The following SHC4 variants were observed in gnomAD, a reference collection of about 807,000 sequenced individuals.
SHC4 encodes SHC adaptor protein 4.
SHC4 carries 41 observed loss-of-function variants against 69.4 expected under a neutral mutation model. The observed-to-expected ratio is 0.59, with a 90% CI of 0.46 to 0.77. The LOEUF (loss-of-function observed/expected upper bound fraction) is 0.77, where lower values mean the gene tolerates loss of function less well. Among genes scored for constraint, SHC4 ranks in the 30% least tolerant of loss-of-function variants. The probability of loss-of-function intolerance (pLI) is 0.00; values close to 1 mark genes in which losing one functional copy is unlikely to be tolerated. For missense variants in SHC4, 777 were observed against 783.8 expected (o/e 0.99, Z 0.10); for synonymous variants, 318 against 299.3 (o/e 1.06, Z -0.64).
At chr15:48,948,688 T>A (rs1186612543) in intron 1 of SHC4, among the ~76,000 whole-genome samples, 1 of 151,850 alleles carries the variant, frequency 6.6e-6, no homozygotes, top group Admixed American at 6.6e-5. Flanking sequence ...GGAGAATTAC[T>A]TGAGCCCTGG....
chr15:48,888,900 A>C (rs2141004873), intron 3 of SHC4, among the ~76,000 whole-genome samples: 1 of 151,922 alleles, frequency 6.6e-6, no homozygotes, highest in East Asian at 1.9e-4. Context: ...AAAAAAAAAA[A>C]AAAGTTAAGA....
At chr15:48,923,652 T>C (rs1408329084) in intron 2 of SHC4, among the ~76,000 whole-genome samples, 3 of 147,762 alleles carry the variant, frequency 2.0e-5, no homozygotes, top group Admixed American at 2.0e-4. Context: ...TTTTTTTTTT[T>C]TTTTTATGAG....
At chr15:48,908,813 T>G (rs1245891771) in intron 2 of SHC4, among the ~76,000 whole-genome samples, 1 of 152,218 alleles carries the variant, frequency 6.6e-6, no homozygotes, top group East Asian at 1.9e-4. Flanking sequence ...AGGGTGTCCT[T>G]TCCCCACTTT....
chr15:48,917,933 C>T (rs1595756976), intron 2 of SHC4, among the ~76,000 whole-genome samples: 3 of 152,144 alleles, frequency 2.0e-5, no homozygotes, highest in Admixed American at 6.5e-5. Flanking sequence ...TCCTTTATTA[C>T]CAGGAATTTC....
At chr15:48,929,638 T>G (rs1455519693) in intron 1 of SHC4, among the ~76,000 whole-genome samples, 6 of 152,116 alleles carry the variant, frequency 3.9e-5, no homozygotes, top group African/African-American at 1.4e-4. Flanking sequence ...AGGAACACGG[T>G]GAACAGTGTC....
At chr15:48,867,938 G>T in intron 5 of SHC4, 69 bp from the exon 6 acceptor site, 1 of 1,326,084 alleles carries the variant, frequency 7.5e-7, no homozygotes, top group Non-Finnish European at 1.1e-6. Context: ...CATATATTTT[G>T]GACATGATAC....
intron 2 of SHC4, among the ~76,000 whole-genome samples, chr15:48,908,143 G>A (rs910867356): frequency 6.6e-6 from 1 of 152,182 alleles, no homozygotes; most frequent in Middle Eastern, 3.4e-3. Flanking sequence ...TTCCATAGTG[G>A]CTGTACTAGT....
At chr15:48,900,201 A>G (rs1900298331) in intron 2 of SHC4, among the ~76,000 whole-genome samples, 1 of 151,912 alleles carries the variant, frequency 6.6e-6, no homozygotes, top group Non-Finnish European at 1.5e-5. Flanking sequence ...CCCCATTCTC[A>G]TCTCCTAAAG....
intron 1 of SHC4, among the ~76,000 whole-genome samples, chr15:48,959,087 C>T (rs1901497482): frequency 6.6e-6 from 1 of 152,156 alleles, no homozygotes; most frequent in South Asian, 2.1e-4. Flanking sequence ...GAATATTTAA[C>T]CCAAAGTCAA....
rs747607550 is a variant in SHC4, at chr15:48,872,575, G to C, written c.841-433C>G. Among the ~76,000 whole-genome samples, 4 of 152,288 alleles carry C rather than the reference G, an allele frequency of 2.6e-5. No individual in the cohort carries two copies. The East Asian group carries it at 7.7e-4, about 29-fold the overall frequency. On this transcript the variant is annotated intron_variant, in intron 4 of 11. Coordinates refer to ENST00000332408, the MANE Select transcript of SHC4 (RefSeq NM_203349.4). ...TGAAGCTTTTCTTCTGATGAAAATC[G>C]GAACTGAGAACTAAAAATAGGAAAA... is the stretch of plus-strand genomic sequence containing the variant.
intron 2 of SHC4, among the ~76,000 whole-genome samples, chr15:48,904,317 C>T (rs1900367470): frequency 6.6e-6 from 1 of 152,106 alleles, no homozygotes; most frequent in Admixed American, 6.5e-5. Flanking sequence ...ATGGACAAAA[C>T]AGGGTTAATA....
intron 10 of SHC4, among the ~76,000 whole-genome samples, chr15:48,836,420 G>C (rs1252467663): frequency 2.0e-5 from 3 of 152,138 alleles, no homozygotes; most frequent in Non-Finnish European, 4.4e-5. Flanking sequence ...ACTTGGGGTA[G>C]CCTTCAGCAT....
chr15:48,862,763 T>C (rs1899470817), intron 6 of SHC4, among the ~76,000 whole-genome samples: 1 of 152,186 alleles, frequency 6.6e-6, no homozygotes, highest in Non-Finnish European at 1.5e-5. Flanking sequence ...TCCTTTTCAG[T>C]GTGTGACCAT....
intron 2 of SHC4, among the ~76,000 whole-genome samples, chr15:48,901,123 G>GT (rs1900311897): frequency 6.6e-6 from 1 of 152,164 alleles, no homozygotes; most frequent in African/African-American, 2.4e-5. Flanking sequence ...CTTTTGGGGT[G>GT]TTTTTTCCAA....
chr15:48,888,595 A>T (rs1900079130), intron 3 of SHC4, among the ~76,000 whole-genome samples: 2 of 152,170 alleles, frequency 1.3e-5, no homozygotes, highest in Non-Finnish European at 2.9e-5. Context: ...CTGTACACTT[A>T]AAAAGGGTTA....
chr15:48,877,835 T>C (rs1899842411), intron 4 of SHC4: 1 of 200,960 alleles, frequency 5.0e-6, no homozygotes, highest in African/African-American at 2.3e-5. Flanking sequence ...GGAAGGAGCA[T>C]TAAATGTTAC....
chr15:48,893,918 C>G (rs144971159), intron 2 of SHC4, among the ~76,000 whole-genome samples: 285 of 152,316 alleles, frequency 1.9e-3, no homozygotes, highest in Admixed American at 3.9e-3. Flanking sequence ...TGCCACTGCA[C>G]TCCCACCTGG....
chr15:48,829,930 TAAATA>T (rs1898765871), intron 11 of SHC4, among the ~76,000 whole-genome samples: 1 of 152,122 alleles, frequency 6.6e-6, no homozygotes, highest in Non-Finnish European at 1.5e-5. Flanking sequence ...AAAAAATAAA[TAAATA>T]AAATAAAGTG....
intron 9 of SHC4, among the ~76,000 whole-genome samples, chr15:48,847,761 G>A (rs2140976646): frequency 6.6e-6 from 1 of 152,156 alleles, no homozygotes; most frequent in Middle Eastern, 3.4e-3. Flanking sequence ...CCAGCACTTT[G>A]GGAGGCCAAG....
Sources: allele counts gnomAD v4.1 joint callset (sites outside exome capture counted in the v4.1 genomes callset), GRCh38; gene constraint gnomAD v4.1.1; transcripts MANE v1.5; gene names NCBI Gene and HGNC (gene_info 2026-07-23, HGNC 2026-07-21).